Variants in PCDHA1 observed in about 807,000 individuals in gnomAD.
PCDHA1 encodes the protein protocadherin alpha-1.
Under a neutral mutation model 61.3 loss-of-function variants are expected in PCDHA1, and 42 were observed. The ratio of observed to expected loss-of-function variants is 0.69; its 90% CI spans 0.54 to 0.89. The LOEUF is 0.89. Among genes scored for constraint, PCDHA1 ranks in the 40% least tolerant of loss-of-function variants. The pLI is 0.00. For synonymous variants in PCDHA1, 610 were observed against 553.8 expected (o/e 1.10, Z -1.43); for missense variants, 1,256 against 1,235.3 (o/e 1.02, Z -0.25).
chr5:140,987,008 G>T (rs958548514), intron 3 of PCDHA1, among the ~76,000 whole-genome samples: 1 of 152,142 alleles, frequency 6.6e-6, no homozygotes, highest in Non-Finnish European at 1.5e-5. Context: ...GAGGTCATGA[G>T]TTCGAGACCA....
In PCDHA1 at chr5:140,849,698, C is replaced by G. The variant is rs2150445577; in HGVS notation, c.2394+61014C>G. 4 of 1,598,548 alleles carry G rather than the reference C, an allele frequency of 2.5e-6. No individual in the cohort carries two copies. In the South Asian group the frequency reaches 3.3e-5, roughly 13 times the overall value. The stretch of plus-strand genomic sequence containing the variant: ...TCCCCTTCAAGCTGGTGTCCACCTA[C>G]AAGAATTACTACTCGTTGGTGCTGG... On this transcript the variant is annotated intron_variant, in intron 1 of 3. Transcript: ENST00000504120.
intron 1 of PCDHA1, chr5:140,862,885 A>C (rs782336518): frequency 3.5e-6 from 2 of 563,674 alleles, no homozygotes; most frequent in Admixed American, 3.8e-5. Flanking sequence ...TAGTGCTGGA[A>C]CGACAACTTT....
At chr5:140,908,844 C>T (rs533219921) in intron 1 of PCDHA1, among the ~76,000 whole-genome samples, 2 of 152,272 alleles carry the variant, frequency 1.3e-5, no homozygotes, top group African/African-American at 4.8e-5. Context: ...GCTGGAGTAA[C>T]ATACCCAAAT....
At chr5:140,989,060 G>A (rs1233023153) in intron 3 of PCDHA1, 1 of 152,138 alleles carries the variant, frequency 6.6e-6, no homozygotes, top group Non-Finnish European at 1.5e-5. Context: ...CTACATTGAG[G>A]CAATACAGTC....
chr5:140,961,760 A>G (rs1563318527), intron 1 of PCDHA1, among the ~76,000 whole-genome samples: 3 of 152,172 alleles, frequency 2.0e-5, no homozygotes. Context: ...TTTTGAAGGA[A>G]TTTATATCAA....
chr5:140,876,012 T>C (rs2056048598), intron 1 of PCDHA1: 1 of 1,613,604 alleles, frequency 6.2e-7, no homozygotes, highest in Non-Finnish European at 8.5e-7. Flanking sequence ...ATTTTGAGCT[T>C]AAAATAAAAA....
chr5:140,944,099 C>G (rs1585153302), intron 1 of PCDHA1, among the ~76,000 whole-genome samples: 1 of 152,264 alleles, frequency 6.6e-6, no homozygotes, highest in East Asian at 1.9e-4. Context: ...AAGTTTATAT[C>G]TCATGGGAAA....
chr5:140,988,119 A>T (rs1238767411), intron 3 of PCDHA1, among the ~76,000 whole-genome samples: 1 of 152,174 alleles, frequency 6.6e-6, no homozygotes, highest in Non-Finnish European at 1.5e-5. Context: ...TTTAGAAAGC[A>T]TGCTGTTCCA....
intron 1 of PCDHA1, among the ~76,000 whole-genome samples, chr5:140,832,961 A>G (rs1772233223): frequency 6.6e-6 from 1 of 152,194 alleles, no homozygotes; most frequent in African/African-American, 2.4e-5. Context: ...TATACAGAAA[A>G]TTCCAAATGT....
rs782499527 is a variant in PCDHA1, at chr5:140,871,070, C to T, written c.2394+82386C>T. ...GTACTGGTGAAGGATCACGGTGAGC[C>T]GGCGCTGACGGCCACGGCCACCGTG... On this transcript the variant is annotated intron_variant, in intron 1 of 3. Transcript: ENST00000504120. 11 of 1,613,094 alleles carry T rather than the reference C, an allele frequency of 6.8e-6. No homozygotes were observed. The South Asian group carries it at 9.9e-5, about 14-fold the overall frequency.
chr5:140,875,632 C>G, intron 1 of PCDHA1: 1 of 1,613,710 alleles, frequency 6.2e-7, no homozygotes, highest in Non-Finnish European at 8.5e-7. Flanking sequence ...GGACCTGGGG[C>G]TGGAGCTGGC....
intron 3 of PCDHA1, among the ~76,000 whole-genome samples, chr5:140,996,834 A>G (rs527764387): frequency 1.7e-4 from 26 of 152,374 alleles, no homozygotes; most frequent in Middle Eastern, 3.4e-3. Flanking sequence ...CCAATAATTT[A>G]GCGTGCATCT....
At chr5:140,886,951 C>T (rs1277166050) in intron 1 of PCDHA1, among the ~76,000 whole-genome samples, 1 of 151,696 alleles carries the variant, frequency 6.6e-6, no homozygotes, top group Non-Finnish European at 1.5e-5. Flanking sequence ...ACACATTAGA[C>T]ATTTAGCAAC....
intron 1 of PCDHA1, among the ~76,000 whole-genome samples, chr5:140,949,007 A>T (rs1300926078): frequency 6.6e-6 from 1 of 151,692 alleles, no homozygotes; most frequent in Non-Finnish European, 1.5e-5. Flanking sequence ...TAATTTTTAT[A>T]TGTGATGTTT....
chr5:140,900,840 T>C (rs6874218), intron 1 of PCDHA1, among the ~76,000 whole-genome samples: 1 of 151,950 alleles, frequency 6.6e-6, no homozygotes, highest in Admixed American at 6.6e-5. Flanking sequence ...ATGTACAAAG[T>C]TTCCCTTTTT....
At position 140,794,955 on chromosome 5, in the gene PCDHA1, A is replaced by ATTACCATT. The variant is rs1761895950; in HGVS notation, c.2394+6271_2394+6272insTTACCATT. On this transcript the variant is annotated intron_variant, in intron 1 of 3. Coordinates refer to ENST00000504120, the MANE Select transcript of PCDHA1 (RefSeq NM_018900.4). The stretch of plus-strand genomic sequence containing the variant: ...CTCTTCTAATTTGATCAAAACATTG[A>ATTACCATT]GGATTGGTAATGGCGTCTTCTATCA... 3 of 1,597,060 alleles carry ATTACCATT rather than the reference A, an allele frequency of 1.9e-6. No individual in the cohort carries two copies. The East Asian group carries it at 6.7e-5, about 36-fold the overall frequency.
chr5:140,983,768 T>G (rs1236827804), intron 3 of PCDHA1, among the ~76,000 whole-genome samples: 2 of 152,196 alleles, frequency 1.3e-5, no homozygotes, highest in African/African-American at 4.8e-5. Context: ...CAAATACATA[T>G]CTACATACAT....
At chr5:140,917,587 C>T (rs2078270380) in intron 1 of PCDHA1, among the ~76,000 whole-genome samples, 1 of 152,164 alleles carries the variant, frequency 6.6e-6, no homozygotes, top group Non-Finnish European at 1.5e-5. Context: ...TTTGTTCATG[C>T]TGAAAGGAAG....
chr5:140,918,423 G>A (rs1450010103), intron 1 of PCDHA1, among the ~76,000 whole-genome samples: 2 of 152,076 alleles, frequency 1.3e-5, no homozygotes, highest in Admixed American at 1.3e-4. Context: ...CTTCCAGTAG[G>A]ATGTTGAATA....
Sources: gnomAD v4.1 joint callset for allele counts (sites outside exome capture counted in the v4.1 genomes callset) on GRCh38, gnomAD v4.1.1 for gene constraint, MANE v1.5 for transcripts, NCBI Gene and HGNC (gene_info 2026-07-23, HGNC 2026-07-21) for gene names.